The following CCDC102B variants were observed in gnomAD, a reference collection of about 807,000 sequenced individuals.
CCDC102B encodes coiled-coil domain containing 102B.
CCDC102B carries 75 observed loss-of-function variants against 57.4 expected under a neutral mutation model. The observed-to-expected ratio is 1.31, with a 90% confidence interval of 1.08 to 1.58. CCDC102B has a LOEUF of 1.58. Among genes scored for constraint, CCDC102B ranks in the 40% most tolerant of loss-of-function variants. The probability of loss-of-function intolerance (pLI) is 0.00; values close to 1 mark genes in which losing one functional copy is unlikely to be tolerated. For missense variants in CCDC102B, 636 were observed against 582.6 expected (o/e 1.09, Z -0.94); for synonymous variants, 206 against 201.9 (o/e 1.02, Z -0.17).
chr18:69,051,074 G>A (rs1223706383), intron 7 of CCDC102B, among the ~76,000 whole-genome samples: 2 of 152,020 alleles, frequency 1.3e-5, no homozygotes, highest in Admixed American at 1.3e-4. Context: ...TTTAAGAAAT[G>A]GGGTCCCACT....
rs1167529909 is a variant in CCDC102B, at chr18:68,821,852, A to G, written c.-15-14897A>G. On this transcript the variant is annotated intron_variant, in intron 1 of 7. Coordinates refer to ENST00000360242, the MANE Select transcript of CCDC102B (RefSeq NM_024781.3). ...TACACCATTTAATATAATTGTAGAG[A>G]AAAATAAAATAAAATATTCCAAAAT... is the stretch of plus-strand genomic sequence containing the variant. 2.0e-5 allele frequency among the ~76,000 whole-genome samples: 3 copies of G among 152,208 alleles called. No homozygotes were observed. In the East Asian group the frequency reaches 5.8e-4, roughly 29 times the overall value.
At chr18:68,731,663 T>G (rs1303534726) in intron 2 of CCDC102B, among the ~76,000 whole-genome samples, 1 of 150,626 alleles carries the variant, frequency 6.6e-6, no homozygotes, top group Non-Finnish European at 1.5e-5. Context: ...TGTATATGTA[T>G]GTATACATAT....
chr18:68,744,088 A>T (rs1332098527), intron 2 of CCDC102B, among the ~76,000 whole-genome samples: 1 of 152,124 alleles, frequency 6.6e-6, no homozygotes, highest in African/African-American at 2.4e-5. Flanking sequence ...CATTTTCTAT[A>T]TTGTTGGAAT....
chr18:68,983,907 A>G (rs937383357), intron 6 of CCDC102B, among the ~76,000 whole-genome samples: 3 of 152,062 alleles, frequency 2.0e-5, no homozygotes, highest in African/African-American at 4.8e-5. Context: ...ATTCTGGAGA[A>G]TAATACAAAA....
chr18:69,004,233 A>T (rs9789236), intron 6 of CCDC102B, among the ~76,000 whole-genome samples: 1 of 151,966 alleles, frequency 6.6e-6, no homozygotes. Context: ...AGATATCAAC[A>T]TGCAGGAAGT....
intron 5 of CCDC102B, among the ~76,000 whole-genome samples, chr18:68,880,246 C>T (rs1192087016): frequency 5.3e-5 from 8 of 152,218 alleles, no homozygotes; most frequent in African/African-American, 1.9e-4. Context: ...AGGTGCTAAG[C>T]CCCTCATTGC....
intron 2 of CCDC102B, among the ~76,000 whole-genome samples, chr18:68,755,820 A>T (rs28667388): frequency 6.6e-5 from 10 of 151,188 alleles, no homozygotes; most frequent in South Asian, 4.2e-4. Flanking sequence ...ATCATGTAGA[A>T]GACCAATAAA....
chr18:68,914,205 A>C (rs536087245), intron 6 of CCDC102B, among the ~76,000 whole-genome samples: 2 of 152,302 alleles, frequency 1.3e-5, no homozygotes, highest in African/African-American at 4.8e-5. Context: ...CACTATGTAG[A>C]GTTTGAGACT....
At chr18:68,999,175 C>A (rs2051132019) in intron 6 of CCDC102B, among the ~76,000 whole-genome samples, 1 of 151,754 alleles carries the variant, frequency 6.6e-6, no homozygotes, top group Admixed American at 6.6e-5. Context: ...GAGAAAAAAA[C>A]ACTGGAGATG....
At chr18:68,741,709 A>AC (rs1216858877) in intron 2 of CCDC102B, among the ~76,000 whole-genome samples, 4 of 75,750 alleles carry the variant, frequency 5.3e-5, no homozygotes, top group African/African-American at 2.0e-4. Context: ...ACACACACAC[A>AC]CACACCCCAA....
chr18:69,023,088 A>G (rs1367692938), intron 7 of CCDC102B, among the ~76,000 whole-genome samples: 2 of 152,116 alleles, frequency 1.3e-5, no homozygotes, highest in African/African-American at 4.8e-5. Flanking sequence ...AAAAATACAA[A>G]CTCAGTTTAG....
At chr18:68,861,576 G>C (rs957526194) in intron 4 of CCDC102B, among the ~76,000 whole-genome samples, 2 of 152,134 alleles carry the variant, frequency 1.3e-5, no homozygotes, top group African/African-American at 4.8e-5. Flanking sequence ...CATTTGGATG[G>C]AGTACTTTAC....
At position 69,055,017 on chromosome 18, in the gene CCDC102B, G is replaced by T; in HGVS notation, c.*880G>T. 6.1e-6 allele frequency: 6 copies of T among 982,696 alleles called. No individual in the cohort carries two copies. The highest frequency in any genetic ancestry group is 7.2e-6 in the Non-Finnish European group (6 of 827,744). The allele number at this position is 982,696 out of a possible 1,614,324, so 60.9% of individuals were successfully genotyped here. ...AGTTTTTAAGGTAAAATGTTATTTT[G>T]AACAAAAAGACACTTATAATTTTCC... On this transcript the variant is annotated 3_prime_UTR_variant, in exon 8 of 8. Transcript: ENST00000360242.
At chr18:68,755,722 T>C (rs1162399737) in intron 2 of CCDC102B, among the ~76,000 whole-genome samples, 1 of 151,774 alleles carries the variant, frequency 6.6e-6, no homozygotes, top group South Asian at 2.1e-4. Flanking sequence ...TTAAAAAATA[T>C]TAATTACAAA....
intron 7 of CCDC102B, among the ~76,000 whole-genome samples, chr18:69,015,455 C>T (rs1216933258): frequency 2.6e-5 from 4 of 152,232 alleles, no homozygotes; most frequent in Non-Finnish European, 5.9e-5. Context: ...CTATCAGCAT[C>T]TCCTCAATTT....
chr18:69,055,571 C>T, downstream of CCDC102B, among the ~76,000 whole-genome samples: 1 of 151,484 alleles, frequency 6.6e-6, no homozygotes, highest in East Asian at 2.0e-4. Context: ...ATCTCAGTCA[C>T]AATCCCATAT....
chr18:68,857,793 A>G (rs1190153599), intron 4 of CCDC102B, among the ~76,000 whole-genome samples: 3 of 152,186 alleles, frequency 2.0e-5, no homozygotes, highest in Admixed American at 2.0e-4. Context: ...CAATGTGATG[A>G]TTCCACAATT....
chr18:68,873,151 A>C (rs1455085036), intron 4 of CCDC102B, among the ~76,000 whole-genome samples: 1 of 152,128 alleles, frequency 6.6e-6, no homozygotes, highest in African/African-American at 2.4e-5. Flanking sequence ...GACTAATGCC[A>C]CATTGTCTAT....
chr18:68,756,897 G>GTC (rs1555697600), intron 2 of CCDC102B, among the ~76,000 whole-genome samples: 1 of 152,008 alleles, frequency 6.6e-6, no homozygotes, highest in Non-Finnish European at 1.5e-5. Flanking sequence ...GTGTGTGTGT[G>GTC]TGTGTGTCTG....
Sources: gnomAD v4.1 joint callset for allele counts (sites outside exome capture counted in the v4.1 genomes callset) on GRCh38, gnomAD v4.1.1 for gene constraint, MANE v1.5 for transcripts, NCBI Gene and HGNC (gene_info 2026-07-23, HGNC 2026-07-21) for gene names.